Variants in ERC1 observed in about 807,000 individuals in gnomAD.
The protein encoded by ERC1 is ELKS/RAB6-interacting/CAST family member 1.
Under a neutral mutation model 132.0 loss-of-function variants are expected in ERC1, and 56 were observed. The ratio of observed to expected loss-of-function variants is 0.42; its 90% CI spans 0.34 to 0.53. The LOEUF is 0.53. ERC1 is among the 20% of genes least tolerant of loss of function. The probability of loss-of-function intolerance (pLI) is 0.03; values close to 1 mark genes in which losing one functional copy is unlikely to be tolerated. For missense variants in ERC1, 1,202 were observed against 1,349.9 expected (o/e 0.89, Z 1.72); for synonymous variants, 478 against 476.1 (o/e 1.00, Z -0.05).
At chr12:1,125,904 T>C (rs1176192912) in intron 7 of ERC1, among the ~76,000 whole-genome samples, 3 of 152,212 alleles carry the variant, frequency 2.0e-5, no homozygotes, top group Non-Finnish European at 4.4e-5. Flanking sequence ...AAAAGACAAA[T>C]ACTACATATG....
intron 4 of ERC1, among the ~76,000 whole-genome samples, chr12:1,106,971 T>C (rs1397987202): frequency 6.6e-6 from 1 of 152,160 alleles, no homozygotes; most frequent in Non-Finnish European, 1.5e-5. Flanking sequence ...TGGAATGAGC[T>C]TCAGAGAATT....
intron 15 of ERC1, among the ~76,000 whole-genome samples, chr12:1,363,064 T>C (rs2086284157): frequency 6.6e-6 from 1 of 152,194 alleles, no homozygotes. Flanking sequence ...TTCCAGGAGC[T>C]TCTGTCTGCC....
chr12:1,275,007 A>G (rs1015683044), intron 14 of ERC1, among the ~76,000 whole-genome samples: 15 of 152,096 alleles, frequency 9.9e-5, no homozygotes, highest in African/African-American at 3.4e-4. Flanking sequence ...AGCTCTATGG[A>G]TAGTAGGTGA....
At chr12:1,326,523 A>G (rs1398065603) in intron 15 of ERC1, among the ~76,000 whole-genome samples, 2 of 152,232 alleles carry the variant, frequency 1.3e-5, no homozygotes, top group African/African-American at 4.8e-5. Flanking sequence ...TACCTTGTCC[A>G]GCATTCTTTA....
rs1331004547 is a variant in ERC1 at position 1,493,066 on chromosome 12, A to C, written c.*2836A>C. 2 of 222,416 alleles carry C rather than the reference A, an allele frequency of 9.0e-6. No homozygotes were observed. The highest frequency in any genetic ancestry group is 1.8e-5 in the Non-Finnish European group (2 of 111,210). The allele number at this position is 222,416 out of a possible 1,614,324, so 13.8% of individuals were successfully genotyped here. A position where few individuals can be genotyped will look rare whatever the true frequency, so the allele number is the denominator to read the frequency against. ...TCACCATAAAGAGGGCACGAAGAAG[A>C]GTGGGTGTGATCCCAACGGGGTTTT... On this transcript the variant is annotated 3_prime_UTR_variant, in exon 19 of 19. Coordinates refer to ENST00000360905, the MANE Select transcript of ERC1 (RefSeq NM_178040.4).
intron 16 of ERC1, among the ~76,000 whole-genome samples, chr12:1,381,794 C>T (rs1548806): frequency 0.43 from 64,876 of 152,022 alleles, 15,735 homozygotes; most frequent in African/African-American, 0.66. Context: ...CATGATAGGT[C>T]GGAATTTCCT....
At chr12:1,417,267 A>G (rs1212778973) in intron 17 of ERC1, among the ~76,000 whole-genome samples, 2 of 152,052 alleles carry the variant, frequency 1.3e-5, no homozygotes, top group Non-Finnish European at 2.9e-5. Context: ...GATTCTCACT[A>G]GCTGTCTCAG....
At chr12:1,480,695 C>G in intron 18 of ERC1, 1 of 545,766 alleles carries the variant, frequency 1.8e-6, no homozygotes, top group Non-Finnish European at 3.2e-6. Context: ...CCTAAAGGGG[C>G]CTGCCTTGAG....
chr12:1,410,106 TATC>T (rs1175616230), intron 17 of ERC1, among the ~76,000 whole-genome samples: 3 of 152,204 alleles, frequency 2.0e-5, no homozygotes, highest in Non-Finnish European at 4.4e-5. Context: ...AAAATTTTAT[TATC>T]AATGCATTGT....
At chr12:1,487,175 G>C (rs572398240) in intron 18 of ERC1, among the ~76,000 whole-genome samples, 1 of 152,136 alleles carries the variant, frequency 6.6e-6, no homozygotes, top group African/African-American at 2.4e-5. Flanking sequence ...AGAGTTTGGG[G>C]TGCACCAAGG....
chr12:1,373,109 A>C (rs1416729714), intron 16 of ERC1, among the ~76,000 whole-genome samples: 7 of 152,204 alleles, frequency 4.6e-5, no homozygotes, highest in Admixed American at 3.3e-4. Context: ...CAGGGTCCTA[A>C]AATACTTTTT....
At chr12:1,306,910 T>C (rs1351330907) in intron 15 of ERC1, among the ~76,000 whole-genome samples, 1 of 152,062 alleles carries the variant, frequency 6.6e-6, no homozygotes, top group East Asian at 1.9e-4. Flanking sequence ...AAACAATAGG[T>C]GATCTTTGGC....
intron 15 of ERC1, among the ~76,000 whole-genome samples, chr12:1,358,473 A>G (rs1445327783): frequency 6.6e-6 from 1 of 152,168 alleles, no homozygotes; most frequent in Non-Finnish European, 1.5e-5. Context: ...GCAAGGATGT[A>G]GGGAATCAGA....
At chr12:1,391,399 A>G in intron 16 of ERC1, 1 of 152,738 alleles carries the variant, frequency 6.5e-6, no homozygotes, top group Non-Finnish European at 1.5e-5. Context: ...TGGTTAGGGT[A>G]GGAAGGCCTC....
intron 12 of ERC1, among the ~76,000 whole-genome samples, chr12:1,222,261 G>A (rs961158342): frequency 2.7e-5 from 4 of 147,606 alleles, no homozygotes; most frequent in Non-Finnish European, 4.5e-5. Flanking sequence ...ACAGGGTCTC[G>A]CTCTGTCACC....
chr12:1,207,772 C>G (rs909930357), intron 12 of ERC1, among the ~76,000 whole-genome samples: 2 of 152,112 alleles, frequency 1.3e-5, no homozygotes, highest in Non-Finnish European at 2.9e-5. Flanking sequence ...ACCACAAATT[C>G]TGTAAATCAG....
chr12:1,029,718 C>T (rs1319110241), intron 2 of ERC1, among the ~76,000 whole-genome samples: 4 of 149,892 alleles, frequency 2.7e-5, no homozygotes, highest in African/African-American at 9.8e-5. Flanking sequence ...CATATTCAGG[C>T]TCTACTAGTT....
chr12:1,186,701 A>G (rs1162522144), intron 11 of ERC1, among the ~76,000 whole-genome samples: 1 of 152,226 alleles, frequency 6.6e-6, no homozygotes, highest in Admixed American at 6.5e-5. Context: ...GAAGAAAATG[A>G]AGGCATGAAA....
intron 12 of ERC1, among the ~76,000 whole-genome samples, chr12:1,201,080 T>G (rs1956871970): frequency 6.6e-6 from 1 of 152,222 alleles, no homozygotes. Context: ...CTGCCTATAT[T>G]CTTATACAAT....
Sources: gnomAD v4.1 joint callset for allele counts (sites outside exome capture counted in the v4.1 genomes callset) on GRCh38, gnomAD v4.1.1 for gene constraint, MANE v1.5 for transcripts, NCBI Gene and HGNC (gene_info 2026-07-23, HGNC 2026-07-21) for gene names.